The following DCP2 variants were observed in gnomAD, a reference collection of about 807,000 sequenced individuals.
DCP2 encodes m7GpppN-mRNA hydrolase.
A neutral mutation model predicts 56.1 loss-of-function variants in DCP2; 30 were observed. The ratio of observed to expected loss-of-function variants is 0.53; its 90% confidence interval spans 0.40 to 0.73. The LOEUF (loss-of-function observed/expected upper bound fraction) is 0.73, where lower values mean the gene tolerates loss of function less well. Ranked by LOEUF, DCP2 falls within the 30% of genes least tolerant of loss-of-function variation. DCP2 has a pLI of 0.00. For synonymous variants in DCP2, 197 were observed against 163.3 expected (o/e 1.21, Z -1.57); for missense variants, 533 against 502.7 (o/e 1.06, Z -0.58).
chr5:113,009,625 A>G (rs1208307504), intron 9 of DCP2, among the ~76,000 whole-genome samples: 2 of 151,526 alleles, frequency 1.3e-5, no homozygotes, highest in African/African-American at 4.9e-5. Flanking sequence ...CCCCTTTATG[A>G]TGAAAACGTG....
At chr5:113,010,873 G>T in intron 10 of DCP2, 66 bp downstream of exon 10, 1 of 1,494,556 alleles carries the variant, frequency 6.7e-7, no homozygotes, top group South Asian at 1.3e-5. Context: ...ACCTAACTTT[G>T]ATTTTAGTGG....
intron 8 of DCP2, among the ~76,000 whole-genome samples, chr5:113,006,420 T>A (rs1426736801): frequency 6.6e-6 from 1 of 152,192 alleles, no homozygotes; most frequent in Non-Finnish European, 1.5e-5. Context: ...GTGGTTGATG[T>A]GGTAAATTGT....
Position 113,015,339 on chromosome 5 carries a change from G to GT in DCP2, c.*1861dup, listed in dbSNP as rs1035176803. ...TTCTGGAAACCATTTAACTTTTACTGTTTTTTATTTTTTTGGTATGTGTTT... is the reference window on the plus strand; with the variant it reads ...TTCTGGAAACCATTTAACTTTTACTGTTTTTTTATTTTTTTGGTATGTGTTT... On this transcript the variant is annotated 3_prime_UTR_variant, in exon 11 of 11. Coordinates refer to ENST00000389063, the MANE Select transcript of DCP2 (RefSeq NM_152624.6). The GT allele has an allele frequency of 1.3e-5, 2 of 151,288 alleles. No individual in the cohort carries two copies. The highest frequency in any genetic ancestry group is 3.0e-5 in the Non-Finnish European group (2 of 67,694). The allele number at this position is 151,288 out of a possible 1,614,324, so 9.4% of individuals were successfully genotyped here.
chr5:112,996,811 T>G (rs1460588207), intron 4 of DCP2, among the ~76,000 whole-genome samples: 1 of 152,230 alleles, frequency 6.6e-6, no homozygotes, highest in Non-Finnish European at 1.5e-5. Context: ...GTTTATTCAG[T>G]GAAATAGATT....
chr5:112,992,603 C>T (rs1416139171), intron 3 of DCP2, 69 bp from the exon 4 acceptor site: 13 of 1,135,108 alleles, frequency 1.1e-5, no homozygotes, highest in Non-Finnish European at 1.6e-5. Flanking sequence ...GAGAAAAATG[C>T]CTTTGATTTT....
In DCP2 at chr5:113,021,660, A is replaced by AAATT. The variant is rs1750143064; in HGVS notation, c.*8177_*8180dup. On this transcript the variant is annotated 3_prime_UTR_variant, in exon 11 of 11. Coordinates refer to ENST00000389063, the MANE Select transcript of DCP2 (RefSeq NM_152624.6). Reference sequence around the variant, plus strand: ...GCTATATGATAGTAACTTTTATTTTAAATTCTCAAAAGGAGAGTGACTAAG... The same window carrying AAATT: ...GCTATATGATAGTAACTTTTATTTTAAATTAATTCTCAAAAGGAGAGTGACTAAG... Among the ~76,000 whole-genome samples, 3 of 152,062 alleles carry AAATT rather than the reference A, an allele frequency of 2.0e-5. No homozygotes were observed. In the East Asian group the frequency reaches 5.8e-4, roughly 30 times the overall value.
chr5:112,988,204 C>T (rs575819120), intron 2 of DCP2, among the ~76,000 whole-genome samples: 17 of 151,760 alleles, frequency 1.1e-4, no homozygotes, highest in East Asian at 5.8e-4. Flanking sequence ...TATCCAAGGC[C>T]GGGTGCGGTG....
intron 9 of DCP2, chr5:113,008,288 A>T (rs756467070): frequency 1.7e-5 from 6 of 350,224 alleles, no homozygotes; most frequent in African/African-American, 1.2e-4. Flanking sequence ...TTTAATATCA[A>T]TGTGTACTCA....
intron 1 of DCP2, among the ~76,000 whole-genome samples, 184 bp from the exon 2 acceptor site, chr5:112,985,651 G>A (rs1748243265): frequency 6.6e-6 from 1 of 152,150 alleles, no homozygotes; most frequent in African/African-American, 2.4e-5. Flanking sequence ...GATACATGTG[G>A]TGTCTCCTCT....
intron 4 of DCP2, among the ~76,000 whole-genome samples, chr5:112,999,783 G>A (rs748929053): frequency 7.9e-5 from 12 of 151,774 alleles, no homozygotes; most frequent in South Asian, 2.1e-4. Flanking sequence ...GCGTGCGGCC[G>A]GGCATGGTGG....
intron 8 of DCP2, among the ~76,000 whole-genome samples, chr5:113,005,145 C>CGCGTGGGTGTGTGTGT (rs1749358922): frequency 3.6e-4 from 2 of 5,544 alleles, no homozygotes; most frequent in Non-Finnish European, 8.2e-4. Flanking sequence ...AAAAAGTGTG[C>CGCGTGGGTGTGTGTGT]GTGTGGGTGT....
chr5:113,003,918 A>T, intron 7 of DCP2, 24 bp from the exon 8 acceptor site: 1 of 1,613,312 alleles, frequency 6.2e-7, no homozygotes, highest in Non-Finnish European at 8.5e-7. Flanking sequence ...TTCTGATTTG[A>T]TTATTTTTTA....
chr5:113,013,306 T>G lies in DCP2; in HGVS notation c.1100-15T>G, dbSNP rs893804970. ...AGGTTACTGAGCTTATTTATTTTGT[T>G]TTTTCTTTAAACAGATGCTGTATAT... On this transcript the variant is annotated splice_polypyrimidine_tract_variant and intron_variant, in intron 10 of 10. Transcript: ENST00000389063. 6.3e-7 allele frequency: 1 copy of G among 1,596,178 alleles called. No homozygotes were observed. The highest frequency in any genetic ancestry group is 8.5e-7 in the Non-Finnish European group (1 of 1,170,868).
intron 8 of DCP2, among the ~76,000 whole-genome samples, chr5:113,004,929 TC>T (rs1272414171): frequency 9.9e-5 from 15 of 151,594 alleles, no homozygotes; most frequent in African/African-American, 3.2e-4. Context: ...AAGTTCGAGA[TC>T]AGCCCCGACA....
chr5:112,991,412 C>T (rs1748581691), intron 2 of DCP2, among the ~76,000 whole-genome samples: 2 of 152,128 alleles, frequency 1.3e-5, no homozygotes. Context: ...ACTTACTTTA[C>T]TATTAATATT....
At position 113,008,464 on chromosome 5, in the gene DCP2, G is replaced by C. The variant is rs544830416; in HGVS notation, c.1047+422G>C. Among the ~76,000 whole-genome samples the C allele has an allele frequency of 2.0e-4, 13 of 65,502 alleles. No individual in the cohort carries two copies. In the East Asian group the frequency reaches 5.4e-3, roughly 27 times the overall value. 43.0% of individuals were successfully genotyped at this position (65,502 alleles called of 152,430 possible). A position where few individuals can be genotyped will look rare whatever the true frequency, so the allele number is the denominator to read the frequency against. On this transcript the variant is annotated intron_variant, in intron 9 of 10. Coordinates refer to ENST00000389063, the MANE Select transcript of DCP2 (RefSeq NM_152624.6). ...GTGCTATTGTCATTAGATTTTGCTTGATGACAAATAACAAAGCAGTTTTCT... is the reference window on the plus strand; with the variant it reads ...GTGCTATTGTCATTAGATTTTGCTTCATGACAAATAACAAAGCAGTTTTCT...
At chr5:113,003,143 T>C (rs988423766) in intron 7 of DCP2, among the ~76,000 whole-genome samples, 4 of 107,888 alleles carry the variant, frequency 3.7e-5, no homozygotes, top group African/African-American at 1.5e-4. Flanking sequence ...GAATCTGTTA[T>C]TGTAATATTA....
At position 113,015,487 on chromosome 5, in the gene DCP2, G is replaced by C. The variant is rs545166031; in HGVS notation, c.*2003G>C. The stretch of plus-strand genomic sequence containing the variant: ...TACCAGAAGTATGGCCTCTAATGGT[G>C]TTGAGCCTTTTCAAGAACCAACAAA... On this transcript the variant is annotated 3_prime_UTR_variant, in exon 11 of 11. Coordinates refer to ENST00000389063, the MANE Select transcript of DCP2 (RefSeq NM_152624.6). 6.6e-6 allele frequency: 1 copy of C among 152,590 alleles called. No individual in the cohort carries two copies. Among genetic ancestry groups the C allele is most frequent in the Admixed American group, 6.5e-5 (1 of 15,284 alleles). 9.5% of individuals were successfully genotyped at this position (152,590 alleles called of 1,614,324 possible).
At chr5:112,982,334 G>T (rs964663915) in intron 1 of DCP2, among the ~76,000 whole-genome samples, 3 of 152,008 alleles carry the variant, frequency 2.0e-5, no homozygotes, top group Non-Finnish European at 4.4e-5. Context: ...GTCTGGACTC[G>T]TTGCTCCTCA....
Sources: gnomAD v4.1 joint callset for allele counts (sites outside exome capture counted in the v4.1 genomes callset) on GRCh38, gnomAD v4.1.1 for gene constraint, MANE v1.5 for transcripts, NCBI Gene and HGNC (gene_info 2026-07-23, HGNC 2026-07-21) for gene names.